PDE4D: variants seen among roughly 807,000 people sequenced by gnomAD.
PDE4D encodes the protein phosphodiesterase 4D.
In PDE4D, 24 loss-of-function variants were observed where a neutral mutation model predicts 87.4. The observed-to-expected ratio is 0.27, with a 90% CI of 0.20 to 0.39. The LOEUF (loss-of-function observed/expected upper bound fraction) is 0.39, where lower values mean the gene tolerates loss of function less well. PDE4D is among the 10% of genes least tolerant of loss of function. The pLI is 1.00. For synonymous variants in PDE4D, 384 were observed against 383.2 expected (o/e 1.00, Z -0.02); for missense variants, 714 against 1,041.0 (o/e 0.69, Z 4.32).
chr5:59,624,224 C>T (rs191248489), intron 1 of PDE4D, among the ~76,000 whole-genome samples: 11 of 152,264 alleles, frequency 7.2e-5, no homozygotes, highest in South Asian at 2.1e-4. Flanking sequence ...TCCTTCAGGA[C>T]GTTTCTCCTA....
chr5:60,061,941 A>G (rs12522929), intron 2 of PDE4D, among the ~76,000 whole-genome samples: 1 of 152,132 alleles, frequency 6.6e-6, no homozygotes, highest in African/African-American at 2.4e-5. Flanking sequence ...ACTTAAATGT[A>G]AAACCCAAAA....
Position 59,399,807 on chromosome 5 carries a change from G to A in PDE4D, c.456-183839C>T, listed in dbSNP as rs1280333128. On this transcript the variant is annotated intron_variant, in intron 1 of 14. Coordinates refer to ENST00000340635, the MANE Select transcript of PDE4D (RefSeq NM_001104631.2). ...AGAGTGAACAGGCAACCTAGAAAAT[G>A]GGAGAAAATTTTCGCAACCTACTCA... 3.7e-5 allele frequency among the ~76,000 whole-genome samples: 4 copies of A among 107,866 alleles called. 1 individual carries two copies. Among genetic ancestry groups the A allele is most frequent in the African/African-American group, 1.6e-4 (4 of 24,914 alleles). 70.8% of individuals were successfully genotyped at this position (107,866 alleles called of 152,430 possible).
At chr5:59,857,519 T>C (rs1026952226) in intron 1 of PDE4D, among the ~76,000 whole-genome samples, 1 of 152,166 alleles carries the variant, frequency 6.6e-6, no homozygotes, top group Non-Finnish European at 1.5e-5. Flanking sequence ...GGAGGGATTA[T>C]AAATAAATTA....
chr5:59,673,500 A>G (rs552547796), intron 1 of PDE4D, among the ~76,000 whole-genome samples: 81 of 152,294 alleles, frequency 5.3e-4, no homozygotes, highest in African/African-American at 1.8e-3. Context: ...ACACGTGCTA[A>G]TTGTTGTTTT....
chr5:60,384,557 T>C (rs571158188), intron 1 of PDE4D, among the ~76,000 whole-genome samples: 21 of 152,304 alleles, frequency 1.4e-4, no homozygotes, highest in African/African-American at 4.8e-4. Context: ...CCTGACATGA[T>C]TTCCTTTCTT....
intron 5 of PDE4D, among the ~76,000 whole-genome samples, chr5:59,051,336 G>C (rs1358703193): frequency 1.3e-5 from 2 of 152,124 alleles, no homozygotes; most frequent in African/African-American, 4.8e-5. Context: ...CTCCAGCCTG[G>C]GCAACAGAGT....
At chr5:60,302,728 T>C (rs533566341) in intron 1 of PDE4D, among the ~76,000 whole-genome samples, 1 of 152,330 alleles carries the variant, frequency 6.6e-6, no homozygotes, top group Admixed American at 6.5e-5. Context: ...TGTTTGCTCT[T>C]GATTCTCTAG....
At chr5:60,230,217 G>A (rs1745637497) in intron 1 of PDE4D, among the ~76,000 whole-genome samples, 1 of 152,098 alleles carries the variant, frequency 6.6e-6, no homozygotes, top group East Asian at 1.9e-4. Flanking sequence ...AAACTAAAAT[G>A]TGAATCTAGA....
At chr5:59,091,022 CAACAACAACA>C in intron 5 of PDE4D, 1 of 417,392 alleles carries the variant, frequency 2.4e-6, no homozygotes, top group Non-Finnish European at 4.7e-6. Flanking sequence ...TGAAGAGCTA[CAACAACAACA>C]AAAACAAATA....
At chr5:59,389,891 G>A (rs975679984) in intron 1 of PDE4D, among the ~76,000 whole-genome samples, 32 of 152,100 alleles carry the variant, frequency 2.1e-4, no homozygotes, top group African/African-American at 7.0e-4. Context: ...ATGGGTACAA[G>A]CATATAGTTA....
At chr5:60,437,785 G>A (rs1381933794) in intron 1 of PDE4D, among the ~76,000 whole-genome samples, 1 of 152,072 alleles carries the variant, frequency 6.6e-6, no homozygotes, top group Non-Finnish European at 1.5e-5. Flanking sequence ...AGCTTCAGAA[G>A]CATCCAGATA....
intron 1 of PDE4D, among the ~76,000 whole-genome samples, chr5:60,503,015 A>T (rs550925122): frequency 3.3e-5 from 5 of 152,302 alleles, no homozygotes; most frequent in African/African-American, 1.2e-4. Flanking sequence ...TTATGCTCTC[A>T]GCAGCAAGCC....
At chr5:59,718,257 G>A (rs1260182051) in intron 1 of PDE4D, among the ~76,000 whole-genome samples, 1 of 152,074 alleles carries the variant, frequency 6.6e-6, no homozygotes, top group Non-Finnish European at 1.5e-5. Context: ...CCTATTCTAT[G>A]TCCATCTAAA....
chr5:59,995,177 T>C (rs1008436414), intron 2 of PDE4D, among the ~76,000 whole-genome samples: 4 of 152,086 alleles, frequency 2.6e-5, no homozygotes, highest in African/African-American at 7.2e-5. Flanking sequence ...AATTGGACAT[T>C]TATTTTTGCT....
intron 5 of PDE4D, among the ~76,000 whole-genome samples, chr5:59,161,764 TC>T (rs1781140131): frequency 6.6e-6 from 1 of 152,206 alleles, no homozygotes. Flanking sequence ...ATTTCCGTTT[TC>T]CCCCTGTATT....
chr5:60,209,185 T>TC (rs1371883243), intron 1 of PDE4D, among the ~76,000 whole-genome samples: 112 of 142,772 alleles, frequency 7.8e-4, no homozygotes, highest in African/African-American at 2.2e-3. Flanking sequence ...TTTTCTTTTT[T>TC]TCTTTTTTTT....
intron 11 of PDE4D, among the ~76,000 whole-genome samples, chr5:58,980,628 T>C (rs1019821791): frequency 6.6e-6 from 1 of 151,206 alleles, no homozygotes; most frequent in African/African-American, 2.4e-5. Flanking sequence ...CAACATATGC[T>C]ACTACTGAAG....
rs879935008 is a variant in PDE4D at position 59,670,838 on chromosome 5, C to CT, written c.455+222329dup. Among the ~76,000 whole-genome samples, 654 of 146,556 alleles carry CT rather than the reference C, an allele frequency of 4.5e-3. 5 individuals carry two copies. Among genetic ancestry groups the CT allele is most frequent in the Middle Eastern group, 0.011 (3 of 276 alleles). On this transcript the variant is annotated intron_variant, in intron 1 of 14. Coordinates refer to ENST00000340635, the MANE Select transcript of PDE4D (RefSeq NM_001104631.2). Reference sequence around the variant, plus strand: ...ATTATTATTCTCATGAGAGTTTTTACTTTTTTTTTTTAAATAGATGGCGGT... The same window carrying CT: ...ATTATTATTCTCATGAGAGTTTTTACTTTTTTTTTTTTAAATAGATGGCGGT...
intron 1 of PDE4D, among the ~76,000 whole-genome samples, chr5:59,597,671 G>C (rs1195293947): frequency 6.6e-6 from 1 of 152,082 alleles, no homozygotes; most frequent in Non-Finnish European, 1.5e-5. Flanking sequence ...ATAATCATTT[G>C]AAAGCTTAAA....
Sources: allele counts gnomAD v4.1 joint callset (sites outside exome capture counted in the v4.1 genomes callset), GRCh38; gene constraint gnomAD v4.1.1; transcripts MANE v1.5; gene names NCBI Gene and HGNC (gene_info 2026-07-23, HGNC 2026-07-21).